Variants in RHPN2 observed in about 807,000 individuals in gnomAD.
RHPN2 encodes rhophilin Rho GTPase binding protein 2, also known as rhophilin-2.
RHPN2 carries 40 observed loss-of-function variants against 79.0 expected under a neutral mutation model. That is an observed-to-expected ratio of 0.51 (90% CI 0.39 to 0.66). The LOEUF (loss-of-function observed/expected upper bound fraction) is 0.66. Among genes scored for constraint, RHPN2 ranks in the 30% least tolerant of loss-of-function variants. RHPN2 has a pLI of 0.00. For synonymous variants in RHPN2, 285 were observed against 363.5 expected (o/e 0.78, Z 2.46); for missense variants, 686 against 883.5 (o/e 0.78, Z 2.83).
chr19:33,010,476 G>A (rs890500502), intron 6 of RHPN2, among the ~76,000 whole-genome samples: 2 of 149,780 alleles, frequency 1.3e-5, no homozygotes, highest in African/African-American at 2.5e-5. Context: ...TCTGCCTCCC[G>A]GGTTCAGGCG....
chr19:33,019,992 C>G (rs998438834), intron 4 of RHPN2, among the ~76,000 whole-genome samples: 1 of 152,052 alleles, frequency 6.6e-6, no homozygotes, highest in Admixed American at 6.6e-5. Flanking sequence ...ATTCCAGGCA[C>G]AGGACGGTCT....
intron 1 of RHPN2, among the ~76,000 whole-genome samples, chr19:33,049,693 G>A (rs996935262): frequency 1.3e-5 from 2 of 152,102 alleles, no homozygotes; most frequent in Admixed American, 1.3e-4. Context: ...GTGAACCCCC[G>A]TGTCATCACC....
chr19:32,994,542 C>A (rs1041264086), intron 11 of RHPN2, among the ~76,000 whole-genome samples: 6 of 152,264 alleles, frequency 3.9e-5, no homozygotes, highest in African/African-American at 1.4e-4. Context: ...CATTTGGGTG[C>A]CTCCAGTGAG....
chr19:33,045,631 G>T (rs866672881), intron 1 of RHPN2, among the ~76,000 whole-genome samples: 2 of 151,786 alleles, frequency 1.3e-5, no homozygotes, highest in African/African-American at 4.8e-5. Flanking sequence ...CCACCACCAC[G>T]CCTGGCTAAT....
chr19:32,980,350 G>T, intron 14 of RHPN2, 94 bp from the exon 15 acceptor site: 1 of 1,440,422 alleles, frequency 6.9e-7, no homozygotes, highest in Non-Finnish European at 9.8e-7. Context: ...GCTCACACCT[G>T]TAATCCCAAC....
At chr19:33,042,160 G>A (rs1057159067) in intron 2 of RHPN2, among the ~76,000 whole-genome samples, 5 of 149,636 alleles carry the variant, frequency 3.3e-5, no homozygotes, top group Admixed American at 1.3e-4. Flanking sequence ...TTGCATTCCA[G>A]CCTGGGCAAC....
chr19:33,026,614 C>T lies in RHPN2; in HGVS notation c.204G>A (p.Lys68=). 6.2e-7 allele frequency: 1 copy of T among 1,607,902 alleles called. No homozygotes were observed. Among genetic ancestry groups the T allele is most frequent in the Non-Finnish European group, 8.5e-7 (1 of 1,179,366 alleles). The change falls in exon 3 of 15, where the codon AAG becomes AAA. Residue 68 remains lysine, a synonymous_variant. Transcript: ENST00000254260. Reference sequence around the variant, plus strand: ...GCTCCAGCCGCACTTGCTCCCGCACCTTTGAGTTTGTGGCCACTCTGTTCA... The same window carrying T: ...GCTCCAGCCGCACTTGCTCCCGCACTTTTGAGTTTGTGGCCACTCTGTTCA... ...ENLLKVATNS[K]VREQVRLELS...
intron 1 of RHPN2, among the ~76,000 whole-genome samples, chr19:33,049,872 A>G (rs1972173103): frequency 6.6e-6 from 1 of 152,080 alleles, no homozygotes; most frequent in Admixed American, 6.6e-5. Context: ...CTGCTCCAGG[A>G]TGAGCGGTGA....
chr19:32,993,138 T>C (rs1971674402), intron 12 of RHPN2, among the ~76,000 whole-genome samples: 2 of 151,676 alleles, frequency 1.3e-5, no homozygotes, highest in Admixed American at 1.3e-4. Context: ...AAAAAATATT[T>C]TTAAAAAATT....
At chr19:33,055,844 G>T (rs188131939) in intron 1 of RHPN2, among the ~76,000 whole-genome samples, 33 of 152,072 alleles carry the variant, frequency 2.2e-4, no homozygotes, top group Admixed American at 1.7e-3. Flanking sequence ...TGAACCCGGA[G>T]GCCCTGTCCA....
chr19:32,990,977 C>T (rs1222838208), intron 13 of RHPN2, among the ~76,000 whole-genome samples: 7 of 148,762 alleles, frequency 4.7e-5, no homozygotes, highest in Non-Finnish European at 7.4e-5. Flanking sequence ...TGCAGTGAGC[C>T]GAGATCGTGC....
intron 9 of RHPN2, among the ~76,000 whole-genome samples, chr19:33,001,792 C>T (rs1295913327): frequency 6.6e-6 from 1 of 152,034 alleles, no homozygotes; most frequent in Non-Finnish European, 1.5e-5. Flanking sequence ...TTAGTAGAGA[C>T]AGGGTTTCAC....
chr19:32,990,105 A>C (rs1411704198), intron 14 of RHPN2, among the ~76,000 whole-genome samples: 2 of 144,400 alleles, frequency 1.4e-5, no homozygotes, highest in Non-Finnish European at 3.0e-5. Context: ...ACTCCGTCTC[A>C]AAAAAAAAAT....
At chr19:33,046,815 A>T (rs532997750) in intron 1 of RHPN2, among the ~76,000 whole-genome samples, 19 of 151,520 alleles carry the variant, frequency 1.3e-4, no homozygotes, top group Admixed American at 1.1e-3. Context: ...TTATTGGCCA[A>T]CTGTATATCT....
chr19:32,987,738 G>A (rs1234087069), intron 14 of RHPN2, among the ~76,000 whole-genome samples: 1 of 152,102 alleles, frequency 6.6e-6, no homozygotes. Flanking sequence ...TTTATTTCTA[G>A]CTCTGATTTC....
intron 4 of RHPN2, among the ~76,000 whole-genome samples, chr19:33,020,204 T>C (rs1417871109): frequency 6.6e-6 from 1 of 152,064 alleles, no homozygotes; most frequent in Non-Finnish European, 1.5e-5. Flanking sequence ...GGAATGTGGC[T>C]GGGGGACACA....
chr19:33,056,067 C>T (rs1972229840), intron 1 of RHPN2, among the ~76,000 whole-genome samples: 3 of 150,808 alleles, frequency 2.0e-5, no homozygotes, highest in Admixed American at 2.0e-4. Flanking sequence ...GAAAGGCTTT[C>T]TCTAGTTTGT....
intron 4 of RHPN2, among the ~76,000 whole-genome samples, chr19:33,014,764 T>G (rs1419255391): frequency 1.3e-5 from 2 of 151,266 alleles, no homozygotes; most frequent in African/African-American, 2.4e-5. Context: ...TATTAAAAAT[T>G]TAAAAAATAA....
chr19:33,022,081 C>T (rs1039823056), intron 3 of RHPN2, among the ~76,000 whole-genome samples: 6 of 152,138 alleles, frequency 3.9e-5, no homozygotes, highest in Non-Finnish European at 8.8e-5. Context: ...ACTGGGATTA[C>T]AGGCACACGA....
Sources: gnomAD v4.1 joint callset for allele counts (sites outside exome capture counted in the v4.1 genomes callset) on GRCh38, gnomAD v4.1.1 for gene constraint, MANE v1.5 for transcripts, NCBI Gene and HGNC (gene_info 2026-07-23, HGNC 2026-07-21) for gene names.